NRXN1: variants seen among roughly 807,000 people sequenced by gnomAD.
NRXN1 encodes neurexin 1, also known as neurexin-1.
Under a neutral mutation model 150.9 loss-of-function variants are expected in NRXN1, and 39 were observed. That is an observed-to-expected ratio of 0.26 (90% CI 0.20 to 0.34). The LOEUF is 0.34. NRXN1 is among the 10% of genes least tolerant of loss of function. The probability of loss-of-function intolerance (pLI) is 1.00; values close to 1 mark genes in which losing one functional copy is unlikely to be tolerated. For synonymous variants in NRXN1, 924 were observed against 757.0 expected, an observed-to-expected ratio of 1.22 and a Z score of -3.62; for missense variants, 1,815 against 1,949.9, an observed-to-expected ratio of 0.93 and a Z score of 1.30.
At chr2:50,899,656 A>G (rs1204830201) in intron 5 of NRXN1, among the ~76,000 whole-genome samples, 1 of 152,288 alleles carries the variant, frequency 6.6e-6, no homozygotes, top group African/African-American at 2.4e-5. Context: ...AATATTTTGC[A>G]GGATGTATTA....
intron 17 of NRXN1, among the ~76,000 whole-genome samples, chr2:50,454,788 A>C (rs2104561464): frequency 6.6e-6 from 1 of 152,308 alleles, no homozygotes; most frequent in East Asian, 1.9e-4. Context: ...TACCAAAAAC[A>C]GAAGAATGAG....
intron 20 of NRXN1, among the ~76,000 whole-genome samples, chr2:50,054,700 T>G (rs1047249542): frequency 3.3e-5 from 5 of 152,156 alleles, no homozygotes; most frequent in Non-Finnish European, 4.4e-5. Context: ...ATTGAGTTAG[T>G]GGATTATATT....
chr2:50,439,420 G>C (rs1468431441), intron 17 of NRXN1, among the ~76,000 whole-genome samples: 1 of 152,174 alleles, frequency 6.6e-6, no homozygotes, highest in Non-Finnish European at 1.5e-5. Context: ...ACACAAAAGT[G>C]AACATTAAAG....
chr2:50,012,985 G>GT (rs1685959866), intron 21 of NRXN1, among the ~76,000 whole-genome samples: 1 of 151,992 alleles, frequency 6.6e-6, no homozygotes, highest in Non-Finnish European at 1.5e-5. Flanking sequence ...AAGCCCTTTT[G>GT]TGGGGGAGAA....
chr2:50,232,038 G>C (rs1471721220), intron 18 of NRXN1, among the ~76,000 whole-genome samples: 1 of 151,990 alleles, frequency 6.6e-6, no homozygotes, highest in Admixed American at 6.6e-5. Context: ...TTTGTTAACT[G>C]TCCACACAAA....
chr2:50,297,488 G>C (rs770336816), intron 17 of NRXN1, among the ~76,000 whole-genome samples: 5 of 152,098 alleles, frequency 3.3e-5, no homozygotes, highest in Non-Finnish European at 7.4e-5. Flanking sequence ...AAGCTAACAG[G>C]TTGAGAATCC....
intron 17 of NRXN1, among the ~76,000 whole-genome samples, chr2:50,241,579 C>G (rs1339577937): frequency 6.6e-6 from 1 of 151,780 alleles, no homozygotes; most frequent in Non-Finnish European, 1.5e-5. Flanking sequence ...CAGCAAGCCT[C>G]TATTACTCAC....
intron 9 of NRXN1, among the ~76,000 whole-genome samples, chr2:50,549,939 G>A (rs557628204): frequency 2.0e-5 from 3 of 152,214 alleles, no homozygotes; most frequent in East Asian, 3.9e-4. Context: ...CATGTAGAGA[G>A]AGACATGCAC....
chr2:50,188,666 C>A (rs2061245354), intron 18 of NRXN1, among the ~76,000 whole-genome samples: 1 of 151,076 alleles, frequency 6.6e-6, no homozygotes, highest in Non-Finnish European at 1.5e-5. Context: ...GGAACTTAAA[C>A]AAATTTACAA....
At chr2:50,922,538 T>C in intron 4 of NRXN1, 120 bp downstream of exon 4, 1 of 893,356 alleles carries the variant, frequency 1.1e-6, no homozygotes, top group Middle Eastern at 2.3e-4. Context: ...AAAAGATATG[T>C]ATTTAATTTG....
At chr2:49,938,539 T>A (rs1028632842) in intron 22 of NRXN1, among the ~76,000 whole-genome samples, 1 of 152,082 alleles carries the variant, frequency 6.6e-6, no homozygotes. Flanking sequence ...CAATGACTAA[T>A]GAGATATTTT....
intron 18 of NRXN1, among the ~76,000 whole-genome samples, chr2:50,191,996 G>A (rs1316884405): frequency 5.9e-5 from 9 of 152,042 alleles, no homozygotes; most frequent in Non-Finnish European, 1.0e-4. Flanking sequence ...AATGTTTGGA[G>A]TAAGAGGGCA....
At chr2:50,091,582 G>A in intron 18 of NRXN1, 88 bp from the exon 19 acceptor site, 1 of 1,407,766 alleles carries the variant, frequency 7.1e-7, no homozygotes, top group Admixed American at 1.8e-5. Flanking sequence ...GTTTTAAAAT[G>A]TGCTTTGGAC....
At chr2:50,644,188 A>G (rs923814592) in intron 5 of NRXN1, among the ~76,000 whole-genome samples, 1 of 151,860 alleles carries the variant, frequency 6.6e-6, no homozygotes, top group East Asian at 1.9e-4. Context: ...AAACAGCTAT[A>G]TTAACTTGAT....
chr2:50,745,994 C>T (rs569047123), intron 5 of NRXN1, among the ~76,000 whole-genome samples: 1 of 152,210 alleles, frequency 6.6e-6, no homozygotes, highest in East Asian at 1.9e-4. Flanking sequence ...GACAACTAGC[C>T]CAGCCTCTTC....
intron 5 of NRXN1, chr2:50,631,386 A>T (rs577579265): frequency 4.3e-6 from 1 of 234,326 alleles, no homozygotes; most frequent in African/African-American, 2.4e-5. Context: ...TATGAAAGGT[A>T]AGTTAGACTT....
In NRXN1 at chr2:50,529,031, T is replaced by C. The variant is rs148594973; in HGVS notation, c.2348-380A>G. ...CCGTCACAATGGGGTACAGTGCAGGTTCAGCTAGGCTCAGACATCTTGGAC... is the reference window on the plus strand; with the variant it reads ...CCGTCACAATGGGGTACAGTGCAGGCTCAGCTAGGCTCAGACATCTTGGAC... On this transcript the variant is annotated intron_variant, in intron 11 of 22. Transcript: ENST00000401669. The C allele has an allele frequency of 2.2e-3, 381 of 176,414 alleles. 1 individual carries two copies. Among genetic ancestry groups the C allele is most frequent in the African/African-American group, 8.4e-3 (353 of 41,988 alleles). The allele number at this position is 176,414 out of a possible 1,614,324, so 10.9% of individuals were successfully genotyped here.
At chr2:49,960,298 T>C (rs929788072) in intron 21 of NRXN1, among the ~76,000 whole-genome samples, 2 of 152,206 alleles carry the variant, frequency 1.3e-5, no homozygotes, top group African/African-American at 4.8e-5. Context: ...GTGTTGCTTA[T>C]AGCAACCAGA....
chr2:50,676,926 A>G (rs561482051), intron 5 of NRXN1, among the ~76,000 whole-genome samples: 115 of 152,284 alleles, frequency 7.6e-4, no homozygotes, highest in South Asian at 2.1e-3. Context: ...GCTCAAGGCC[A>G]TGAAGGTGGT....
Sources: gnomAD v4.1 joint callset for allele counts (sites outside exome capture counted in the v4.1 genomes callset) on GRCh38, gnomAD v4.1.1 for gene constraint, MANE v1.5 for transcripts, NCBI Gene and HGNC (gene_info 2026-07-23, HGNC 2026-07-21) for gene names.